TRIM55: variants seen among roughly 807,000 people sequenced by gnomAD.
TRIM55 encodes the protein tripartite motif-containing protein 55.
Under a neutral mutation model 60.9 loss-of-function variants are expected in TRIM55, and 50 were observed. That is an observed-to-expected ratio of 0.82 (90% CI 0.65 to 1.04). TRIM55 has a LOEUF of 1.04. Among genes scored for constraint, TRIM55 ranks in the 50% least tolerant of loss-of-function variants. The pLI, the probability that TRIM55 is intolerant of heterozygous loss-of-function variation, is 0.00. For missense variants in TRIM55, 681 were observed against 666.9 expected, an observed-to-expected ratio of 1.02 and a Z score of -0.23; for synonymous variants, 237 against 238.1, an observed-to-expected ratio of 1.00 and a Z score of 0.04.
upstream of TRIM55, among the ~76,000 whole-genome samples, chr8:66,122,494 C>T (rs1586153811): frequency 6.6e-6 from 1 of 152,084 alleles, no homozygotes; most frequent in Non-Finnish European, 1.5e-5. Flanking sequence ...CTTGGGCACA[C>T]GTCGTTAGAA....
upstream of TRIM55, among the ~76,000 whole-genome samples, chr8:66,122,650 C>T (rs1312507521): frequency 6.6e-6 from 1 of 152,084 alleles, no homozygotes; most frequent in African/African-American, 2.4e-5. Context: ...GATGGATGCC[C>T]CTTCTCGGCC....
At chr8:66,121,228 G>C in the TRIM55 span, among the ~76,000 whole-genome samples, 1 of 152,234 alleles carries the variant, frequency 6.6e-6, no homozygotes, top group Non-Finnish European at 1.5e-5. Flanking sequence ...GGGGAAGGTG[G>C]TGGTGACTTT....
Position 66,166,721 on chromosome 8 carries a change from G to A in TRIM55, c.1525-7750G>A, listed in dbSNP as rs563413070. On this transcript the variant is annotated intron_variant, in intron 9 of 9. Coordinates refer to ENST00000315962, the MANE Select transcript of TRIM55 (RefSeq NM_184085.2). The stretch of plus-strand genomic sequence containing the variant: ...ATAGTGGAGGAAAATGAGGATTCTA[G>A]AGGAGGCATGACTTGCTTAGGATCA... Among the ~76,000 whole-genome samples the A allele has an allele frequency of 5.3e-5, 8 of 152,304 alleles. No individual in the cohort carries two copies. The East Asian group carries it at 1.5e-3, about 29-fold the overall frequency.
At chr8:66,124,060 C>T (rs571881569), upstream of TRIM55, among the ~76,000 whole-genome samples, 6 of 152,274 alleles carry the variant, frequency 3.9e-5, no homozygotes, top group East Asian at 1.2e-3. Flanking sequence ...CTCACTACAT[C>T]GTCGGTTACT....
At chr8:66,132,865 G>GA (rs1809246823) in intron 2 of TRIM55, among the ~76,000 whole-genome samples, 1 of 152,066 alleles carries the variant, frequency 6.6e-6, no homozygotes, top group Non-Finnish European at 1.5e-5. Context: ...ACAGCACCAT[G>GA]AAAAAAATAA....
chr8:66,165,425 TA>T (rs879867650), intron 9 of TRIM55, among the ~76,000 whole-genome samples: 72 of 146,564 alleles, frequency 4.9e-4, no homozygotes, highest in African/African-American at 1.4e-3. Context: ...TACAAAGCAT[TA>T]AAAAAAAAAA....
At chr8:66,143,750 G>A (rs748812901) in intron 4 of TRIM55, among the ~76,000 whole-genome samples, 5 of 152,008 alleles carry the variant, frequency 3.3e-5, no homozygotes, top group Non-Finnish European at 5.9e-5. Context: ...TATATTTCTC[G>A]AGGGTGCATT....
At chr8:66,137,758 G>GAAAAAAAAAAAAAAAA (rs34634925) in intron 4 of TRIM55, among the ~76,000 whole-genome samples, 2 of 116,316 alleles carry the variant, frequency 1.7e-5, no homozygotes, top group African/African-American at 3.3e-5. Flanking sequence ...AATCAACACT[G>GAAAAAAAAAAAAAAAA]AAAAAAAAAA....
In TRIM55 at chr8:66,174,718, T is replaced by A; in HGVS notation, c.*125T>A. The A allele has an allele frequency of 8.9e-7, 1 of 1,118,508 alleles. No individual in the cohort carries two copies. The highest frequency in any genetic ancestry group is 1.2e-6 in the Non-Finnish European group (1 of 839,856). The allele number at this position is 1,118,508 out of a possible 1,614,324, so 69.3% of individuals were successfully genotyped here. On this transcript the variant is annotated 3_prime_UTR_variant, in exon 10 of 10. Coordinates refer to ENST00000315962, the MANE Select transcript of TRIM55 (RefSeq NM_184085.2). ...CCTCTGAACAGGATTTCTGCAAAAA[T>A]AGCCCCAAACTGCAATTCCATATGA... is the stretch of plus-strand genomic sequence containing the variant.
At chr8:66,128,250 G>A (rs1808936035) in intron 1 of TRIM55, 54 bp from the exon 2 acceptor site, 2 of 1,484,406 alleles carry the variant, frequency 1.3e-6, no homozygotes, top group Non-Finnish European at 1.8e-6. Context: ...ATAAGTCTCA[G>A]AGAAGCTGCT....
At chr8:66,114,758 G>A in the TRIM55 span, 2 of 381,928 alleles carry the variant, frequency 5.2e-6, no homozygotes, top group African/African-American at 4.2e-5. Flanking sequence ...GATAGGACAA[G>A]GCAAAAGGTA....
intron 4 of TRIM55, among the ~76,000 whole-genome samples, chr8:66,139,275 G>A (rs369296984): frequency 3.0e-4 from 46 of 152,306 alleles, no homozygotes; most frequent in African/African-American, 1.1e-3. Context: ...TACCGGAGAT[G>A]TCTGTTGGAA....
chr8:66,139,134 T>C (rs1180340058), intron 4 of TRIM55, among the ~76,000 whole-genome samples: 1 of 152,216 alleles, frequency 6.6e-6, no homozygotes, highest in Non-Finnish European at 1.5e-5. Flanking sequence ...TTTGTACTTA[T>C]TTACAGTAAA....
At chr8:66,114,808 G>A in the TRIM55 span, 1 of 339,454 alleles carries the variant, frequency 2.9e-6, no homozygotes, top group South Asian at 2.3e-5. Flanking sequence ...TGGACACAGG[G>A]GCTGCCGTTG....
chr8:66,141,515 T>G (rs550295202), intron 4 of TRIM55, among the ~76,000 whole-genome samples: 29 of 152,204 alleles, frequency 1.9e-4, no homozygotes, highest in Non-Finnish European at 3.8e-4. Flanking sequence ...AAATGTCCAC[T>G]GGGGAGCTCT....
rs1810498798 is a variant in TRIM55 at position 66,152,577 on chromosome 8, C to T, written c.1186C>T (p.Pro396Ser). The change falls in exon 8 of 10, where the codon CCA becomes TCA. Residue 396 changes from proline to serine, a missense_variant. Physicochemically the swap from Pro to Ser is moderately conservative, Grantham distance 74. Coordinates refer to ENST00000315962, the MANE Select transcript of TRIM55 (RefSeq NM_184085.2). ...CCCTGGGGCACTTCCAGTTTCCTCT[C>T]CAGAGCCACCTCCAGCCCTGCCACC... ...AAPGALPVSS[P>S]EPPPALPPAA... 1 of 1,614,158 alleles carries T rather than the reference C, an allele frequency of 6.2e-7. No homozygotes were observed. Among genetic ancestry groups the T allele is most frequent in the Non-Finnish European group, 8.5e-7 (1 of 1,180,028 alleles).
chr8:66,168,222 T>G (rs756055329), intron 9 of TRIM55, among the ~76,000 whole-genome samples: 21 of 152,326 alleles, frequency 1.4e-4, no homozygotes, highest in Middle Eastern at 6.8e-3. Flanking sequence ...ACACCTATGA[T>G]GGCAGAGCTG....
the TRIM55 span, among the ~76,000 whole-genome samples, chr8:66,119,976 A>G: frequency 6.6e-6 from 1 of 152,216 alleles, no homozygotes; most frequent in Non-Finnish European, 1.5e-5. Context: ...GTGCCCTTCT[A>G]AAGCATGGGT....
At chr8:66,139,123 C>A (rs1470892149) in intron 4 of TRIM55, among the ~76,000 whole-genome samples, 1 of 152,126 alleles carries the variant, frequency 6.6e-6, no homozygotes, top group Non-Finnish European at 1.5e-5. Flanking sequence ...AAACTTTTTT[C>A]TTTGTACTTA....
Sources: allele counts gnomAD v4.1 joint callset (sites outside exome capture counted in the v4.1 genomes callset), GRCh38; gene constraint gnomAD v4.1.1; transcripts MANE v1.5; gene names NCBI Gene and HGNC (gene_info 2026-07-23, HGNC 2026-07-21).